Variants in PITPNC1 observed in about 807,000 individuals in gnomAD.
The protein encoded by PITPNC1 is cytoplasmic phosphatidylinositol transfer protein 1.
A neutral mutation model predicts 44.7 loss-of-function variants in PITPNC1; 18 were observed. The ratio of observed to expected loss-of-function variants is 0.40; its 90% CI spans 0.28 to 0.60. The LOEUF (loss-of-function observed/expected upper bound fraction) is 0.60, where lower values mean the gene tolerates loss of function less well. Ranked by LOEUF, PITPNC1 falls within the 20% of genes least tolerant of loss-of-function variation. The pLI, the probability that PITPNC1 is intolerant of heterozygous loss-of-function variation, is 0.39. For missense variants in PITPNC1, 290 were observed against 418.4 expected (o/e 0.69, Z 2.68); for synonymous variants, 141 against 149.6 (o/e 0.94, Z 0.42).
intron 1 of PITPNC1, among the ~76,000 whole-genome samples, chr17:67,519,397 G>A (rs1333094991): frequency 3.9e-5 from 6 of 151,938 alleles, no homozygotes; most frequent in South Asian, 2.1e-4. Flanking sequence ...GGCTGTTCTC[G>A]AACTCCTGAC....
intron 2 of PITPNC1, among the ~76,000 whole-genome samples, chr17:67,542,072 A>C (rs981128943): frequency 6.6e-6 from 1 of 152,166 alleles, no homozygotes; most frequent in Non-Finnish European, 1.5e-5. Context: ...ATCCTTTTCA[A>C]CCCTAACTTT....
At position 67,591,487 on chromosome 17, in the gene PITPNC1, A is replaced by T. The variant is rs1255656345; in HGVS notation, c.366+13230A>T. Among the ~76,000 whole-genome samples the T allele has an allele frequency of 2.0e-5, 3 of 152,214 alleles. No homozygotes were observed. The East Asian group carries it at 5.8e-4, about 29-fold the overall frequency. Reference sequence around the variant, plus strand: ...TGTAATCAGGTGAGAGACTGTCTTTATTCTTAGGAAATTCACCCTGAAATA... The same window carrying T: ...TGTAATCAGGTGAGAGACTGTCTTTTTTCTTAGGAAATTCACCCTGAAATA... On this transcript the variant is annotated intron_variant, in intron 5 of 8. Coordinates refer to ENST00000581322, the MANE Select transcript of PITPNC1 (RefSeq NM_012417.4).
chr17:67,662,205 G>A (rs1437541723), intron 6 of PITPNC1, among the ~76,000 whole-genome samples: 1 of 151,982 alleles, frequency 6.6e-6, no homozygotes, highest in Non-Finnish European at 1.5e-5. Flanking sequence ...TGTAATCACA[G>A]AACTCTGGGA....
At chr17:67,540,275 T>A (rs1051638435) in intron 2 of PITPNC1, among the ~76,000 whole-genome samples, 25 of 151,942 alleles carry the variant, frequency 1.6e-4, no homozygotes, top group African/African-American at 6.0e-4. Context: ...GGCTAATTTG[T>A]GTATGTTTTA....
chr17:67,430,589 G>A lies in PITPNC1; in HGVS notation c.48+52387G>A, dbSNP rs528481538. 2.2e-4 allele frequency among the ~76,000 whole-genome samples: 34 copies of A among 152,220 alleles called. No homozygotes were observed. In the South Asian group the frequency reaches 7.1e-3, roughly 32 times the overall value. On this transcript the variant is annotated intron_variant, in intron 1 of 8. Transcript: ENST00000581322. ...GCAGAATGCTCTAGAGGGTGGAAGC[G>A]GGAGGATTGCTTGAGGTCAGGAGTT...
At chr17:67,627,298 A>G (rs144185121) in intron 5 of PITPNC1, among the ~76,000 whole-genome samples, 2 of 152,314 alleles carry the variant, frequency 1.3e-5, no homozygotes, top group East Asian at 3.9e-4. Context: ...CCTGAAGAGG[A>G]TGTTGGGTTC....
intron 5 of PITPNC1, among the ~76,000 whole-genome samples, chr17:67,629,665 G>A (rs922265975): frequency 6.6e-6 from 1 of 152,240 alleles, no homozygotes. Context: ...GAGCGGGGGG[G>A]ACTGGCTCTC....
At chr17:67,549,164 A>G (rs2040723712) in intron 2 of PITPNC1, among the ~76,000 whole-genome samples, 1 of 152,156 alleles carries the variant, frequency 6.6e-6, no homozygotes. Flanking sequence ...ACTGATTAGA[A>G]GAGTTCAGGC....
At chr17:67,432,218 G>A (rs9892261) in intron 1 of PITPNC1, among the ~76,000 whole-genome samples, 2,271 of 152,310 alleles carry the variant, frequency 0.015, 46 homozygotes, top group African/African-American at 0.046. Context: ...GGCCGGGTGC[G>A]GTGGCTCACG....
chr17:67,459,289 G>T (rs1413434835), intron 1 of PITPNC1, among the ~76,000 whole-genome samples: 1 of 151,812 alleles, frequency 6.6e-6, no homozygotes, highest in East Asian at 1.9e-4. Flanking sequence ...AGCTAATTTT[G>T]TATTTTTAGT....
chr17:67,395,177 T>A (rs904952527), intron 1 of PITPNC1, among the ~76,000 whole-genome samples: 1 of 152,002 alleles, frequency 6.6e-6, no homozygotes, highest in Non-Finnish European at 1.5e-5. Context: ...TTTCTTTTTT[T>A]TTTTTTTAGA....
At chr17:67,629,385 GC>G (rs1304240265) in intron 5 of PITPNC1, among the ~76,000 whole-genome samples, 1 of 152,154 alleles carries the variant, frequency 6.6e-6, no homozygotes, top group Non-Finnish European at 1.5e-5. Context: ...TGATTCTCCT[GC>G]CTCAGGCTCC....
intron 1 of PITPNC1, among the ~76,000 whole-genome samples, chr17:67,393,722 T>C (rs2038172459): frequency 6.6e-6 from 1 of 152,232 alleles, no homozygotes; most frequent in Admixed American, 6.5e-5. Context: ...GGGTTGGCAC[T>C]GACCAGTGTT....
chr17:67,439,103 A>C (rs1253747357), intron 1 of PITPNC1, among the ~76,000 whole-genome samples: 1 of 152,238 alleles, frequency 6.6e-6, no homozygotes, highest in African/African-American at 2.4e-5. Context: ...TGAATTAATT[A>C]AAGGTGTTTC....
chr17:67,640,283 G>T (rs2042078520), intron 6 of PITPNC1, among the ~76,000 whole-genome samples: 1 of 152,166 alleles, frequency 6.6e-6, no homozygotes, highest in African/African-American at 2.4e-5. Context: ...GAGGGAGGAA[G>T]CCTGCAAAGG....
At chr17:67,520,969 C>A (rs546179716) in intron 1 of PITPNC1, among the ~76,000 whole-genome samples, 2 of 152,248 alleles carry the variant, frequency 1.3e-5, no homozygotes, top group East Asian at 3.9e-4. Context: ...AGAACATCAC[C>A]CCTAAAAGCG....
chr17:67,524,107 G>A (rs2040365208), intron 1 of PITPNC1, among the ~76,000 whole-genome samples: 2 of 152,128 alleles, frequency 1.3e-5, no homozygotes, highest in South Asian at 4.1e-4. Context: ...ACTGCGCCCA[G>A]CCTAAATTTT....
intron 1 of PITPNC1, among the ~76,000 whole-genome samples, chr17:67,417,769 G>A (rs2038609486): frequency 6.6e-6 from 1 of 152,110 alleles, no homozygotes; most frequent in Admixed American, 6.6e-5. Flanking sequence ...GGGGCTGGGT[G>A]CGGTGGCTCC....
At chr17:67,417,595 A>G (rs541810650) in intron 1 of PITPNC1, among the ~76,000 whole-genome samples, 1 of 152,152 alleles carries the variant, frequency 6.6e-6, no homozygotes, top group African/African-American at 2.4e-5. Flanking sequence ...AATCTCTTGT[A>G]TTTTCTGTAA....
Sources: gnomAD v4.1 joint callset for allele counts (sites outside exome capture counted in the v4.1 genomes callset) on GRCh38, gnomAD v4.1.1 for gene constraint, MANE v1.5 for transcripts, NCBI Gene and HGNC (gene_info 2026-07-23, HGNC 2026-07-21) for gene names.